Variants in MPPED1 observed in about 807,000 individuals in gnomAD.
The protein encoded by MPPED1 is metallophosphoesterase domain-containing protein 1.
In MPPED1, 16 loss-of-function variants were observed where a neutral mutation model predicts 36.2. The observed-to-expected ratio is 0.44, with a 90% CI of 0.30 to 0.67. The LOEUF (loss-of-function observed/expected upper bound fraction) is 0.67, where lower values mean the gene tolerates loss of function less well. Among genes scored for constraint, MPPED1 ranks in the 30% least tolerant of loss-of-function variants. MPPED1 has a pLI of 0.10. For missense variants in MPPED1, 307 were observed against 453.4 expected (o/e 0.68, Z 2.93); for synonymous variants, 199 against 191.3 (o/e 1.04, Z -0.33).
chr22:43,427,713 G>T (rs1206050508), intron 2 of MPPED1, among the ~76,000 whole-genome samples: 3 of 152,144 alleles, frequency 2.0e-5, no homozygotes, highest in Non-Finnish European at 4.4e-5. Context: ...TGCTTGGATG[G>T]GGTTCATGCT....
chr22:43,438,757 C>A (rs1930050074), intron 3 of MPPED1, among the ~76,000 whole-genome samples: 1 of 151,986 alleles, frequency 6.6e-6, no homozygotes, highest in Non-Finnish European at 1.5e-5. Context: ...TGTCTGGTGC[C>A]AAGTGTGTCA....
At chr22:43,497,100 TGGTGGTGATGGA>T (rs966680111) in intron 4 of MPPED1, among the ~76,000 whole-genome samples, 4 of 148,498 alleles carry the variant, frequency 2.7e-5, no homozygotes, top group Admixed American at 2.7e-4. Flanking sequence ...GTGGCGGAGA[TGGTGGTGATGGA>T]GGTGGTGATG....
intron 4 of MPPED1, 90 bp downstream of exon 4, chr22:43,475,051 G>A: frequency 8.4e-7 from 1 of 1,187,052 alleles, no homozygotes; most frequent in Non-Finnish European, 1.2e-6. Context: ...GTAGCAGCAG[G>A]GAGCTCCGGA....
At chr22:43,442,897 C>T (rs185463777) in intron 3 of MPPED1, among the ~76,000 whole-genome samples, 235 of 152,176 alleles carry the variant, frequency 1.5e-3, no homozygotes, top group African/African-American at 2.1e-3. Context: ...TCGCCTCTCC[C>T]GCGGGGCTGT....
chr22:43,412,238 G>T (rs1928927539), intron 1 of MPPED1, 80 bp downstream of exon 1: 2 of 837,322 alleles, frequency 2.4e-6, no homozygotes, highest in South Asian at 5.3e-5. Flanking sequence ...CTCTCCAGGC[G>T]CTGGGCGACG....
At chr22:43,414,438 A>T (rs964809276) in intron 1 of MPPED1, among the ~76,000 whole-genome samples, 1 of 152,176 alleles carries the variant, frequency 6.6e-6, no homozygotes, top group South Asian at 2.1e-4. Context: ...CTTCTGGAAA[A>T]AAAGAAAACC....
chr22:43,498,623 C>T (rs550970706), intron 5 of MPPED1, among the ~76,000 whole-genome samples: 11 of 152,234 alleles, frequency 7.2e-5, no homozygotes, highest in African/African-American at 2.4e-4. Context: ...CCTGGAGCTT[C>T]GGCTTATGCC....
chr22:43,434,917 G>A lies in MPPED1; in HGVS notation c.225-117G>A, dbSNP rs77248549. 6.4e-3 allele frequency: 7,234 copies of A among 1,130,804 alleles called. 303 individuals carry two copies. The African/African-American group carries it at 0.098, about 15-fold the overall frequency. 70.0% of individuals were successfully genotyped at this position (1,130,804 alleles called of 1,614,324 possible). On this transcript the variant is annotated intron_variant, in intron 2 of 6. Coordinates refer to ENST00000443721, the MANE Select transcript of MPPED1 (RefSeq NM_001044370.2). Reference sequence around the variant, plus strand: ...GGCTGGGCGTCCAGTCCCTGGTCTGGTGGATCTGAGCGGGATTGATGGGGC... The same window carrying A: ...GGCTGGGCGTCCAGTCCCTGGTCTGATGGATCTGAGCGGGATTGATGGGGC...
At chr22:43,436,727 C>T (rs1216330236) in intron 3 of MPPED1, among the ~76,000 whole-genome samples, 6 of 152,258 alleles carry the variant, frequency 3.9e-5, no homozygotes, top group South Asian at 2.1e-4. Context: ...GTCAAGAGGC[C>T]GTTTCCAGGG....
chr22:43,455,069 T>A (rs1369523626), intron 3 of MPPED1, among the ~76,000 whole-genome samples: 1 of 151,374 alleles, frequency 6.6e-6, no homozygotes, highest in East Asian at 2.0e-4. Context: ...GGCTGTCTTC[T>A]CACTGTGTCC....
intron 3 of MPPED1, among the ~76,000 whole-genome samples, chr22:43,461,257 T>C (rs952654529): frequency 7.2e-5 from 11 of 152,174 alleles, no homozygotes; most frequent in Non-Finnish European, 7.3e-5. Context: ...AGGGGCTTTC[T>C]TGGGAGTCTC....
At chr22:43,436,147 TG>T (rs34341004) in intron 3 of MPPED1, among the ~76,000 whole-genome samples, 1 of 152,212 alleles carries the variant, frequency 6.6e-6, no homozygotes, top group Non-Finnish European at 1.5e-5. Flanking sequence ...GGGGACCCCC[TG>T]GGAAAACTCG....
chr22:43,476,710 T>C (rs1931588878), intron 4 of MPPED1, among the ~76,000 whole-genome samples: 1 of 152,074 alleles, frequency 6.6e-6, no homozygotes, highest in African/African-American at 2.4e-5. Context: ...GTCATCTCCC[T>C]GGACTTCACG....
chr22:43,426,979 G>T (rs992282393), intron 2 of MPPED1, among the ~76,000 whole-genome samples: 1 of 152,330 alleles, frequency 6.6e-6, no homozygotes, highest in East Asian at 1.9e-4. Context: ...GGCCTTCCCT[G>T]GGCTGGGTTT....
chr22:43,460,263 A>ACCC (rs368015046), intron 3 of MPPED1, among the ~76,000 whole-genome samples: 2 of 93,788 alleles, frequency 2.1e-5, no homozygotes, highest in Admixed American at 1.1e-4. Flanking sequence ...ACAAACCCAA[A>ACCC]CCCCCCCCCC....
chr22:43,499,207 G>A (rs1480497760), intron 5 of MPPED1, among the ~76,000 whole-genome samples: 2 of 147,524 alleles, frequency 1.4e-5, no homozygotes, highest in African/African-American at 2.5e-5. Context: ...GTGGGAGGTG[G>A]TGATAGTCAT....
At chr22:43,439,722 G>A (rs1035038504) in intron 3 of MPPED1, among the ~76,000 whole-genome samples, 1 of 152,166 alleles carries the variant, frequency 6.6e-6, no homozygotes, top group Non-Finnish European at 1.5e-5. Flanking sequence ...CATCTGTCAC[G>A]GTGAACAACT....
At chr22:43,503,488 G>A (rs2146929682) in intron 6 of MPPED1, among the ~76,000 whole-genome samples, 1 of 152,326 alleles carries the variant, frequency 6.6e-6, no homozygotes, top group South Asian at 2.1e-4. Context: ...TCCGGAACCT[G>A]TGTCTGGTTG....
At chr22:43,473,370 C>A (rs559454228) in intron 3 of MPPED1, among the ~76,000 whole-genome samples, 2 of 152,182 alleles carry the variant, frequency 1.3e-5, no homozygotes, top group Non-Finnish European at 2.9e-5. Flanking sequence ...GGATGCCTCG[C>A]GAGGTGTCGG....
Sources: gnomAD v4.1 joint callset for allele counts (sites outside exome capture counted in the v4.1 genomes callset) on GRCh38, gnomAD v4.1.1 for gene constraint, MANE v1.5 for transcripts, NCBI Gene and HGNC (gene_info 2026-07-23, HGNC 2026-07-21) for gene names.